The following TMEM178B variants were observed in gnomAD, a reference collection of about 807,000 sequenced individuals.
The protein encoded by TMEM178B is transmembrane protein 178B.
A neutral mutation model predicts 31.0 loss-of-function variants in TMEM178B; 5 were observed. That is an observed-to-expected ratio of 0.16 (90% confidence interval 0.08 to 0.34). The LOEUF (loss-of-function observed/expected upper bound fraction) is 0.34, where lower values mean the gene tolerates loss of function less well. Ranked by LOEUF, TMEM178B falls within the 10% of genes least tolerant of loss-of-function variation. The pLI, the probability that TMEM178B is intolerant of heterozygous loss-of-function variation, is 1.00. For synonymous variants in TMEM178B, 164 were observed against 164.0 expected (o/e 1.00, Z 0.00); for missense variants, 275 against 400.3 (o/e 0.69, Z 2.67).
chr7:141,280,488 C>T (rs1307295099), intron 2 of TMEM178B, among the ~76,000 whole-genome samples: 6 of 152,156 alleles, frequency 3.9e-5, no homozygotes, highest in African/African-American at 1.4e-4. Context: ...CCTTGGTTCT[C>T]ATTCTATCTT....
rs147486756 is a variant in TMEM178B, at chr7:141,417,820, A to G, written c.497-19788A>G. ...GCCAGCCTCTAAGTAATATGCAAGTATAATTCTCATAACAATCTTGTGAGA... is the reference window on the plus strand; with the variant it reads ...GCCAGCCTCTAAGTAATATGCAAGTGTAATTCTCATAACAATCTTGTGAGA... On this transcript the variant is annotated intron_variant, in intron 2 of 3. Coordinates refer to ENST00000565468, the MANE Select transcript of TMEM178B (RefSeq NM_001195278.2). 2.5e-3 allele frequency among the ~76,000 whole-genome samples: 376 copies of G among 152,334 alleles called. 5 individuals are homozygous for G. The highest frequency in any genetic ancestry group is 8.6e-3 in the African/African-American group (356 of 41,568).
intron 1 of TMEM178B, among the ~76,000 whole-genome samples, chr7:141,107,301 A>C (rs1337431244): frequency 6.6e-6 from 1 of 152,196 alleles, no homozygotes; most frequent in Non-Finnish European, 1.5e-5. Context: ...CATTTTGAGC[A>C]GACCAGTGAT....
chr7:141,508,777 C>T, the TMEM178B span, among the ~76,000 whole-genome samples: 1 of 152,214 alleles, frequency 6.6e-6, no homozygotes, highest in Non-Finnish European at 1.5e-5. Flanking sequence ...ACAGGAAAGA[C>T]TGGCCCCATG....
intron 1 of TMEM178B, among the ~76,000 whole-genome samples, chr7:141,147,614 C>A (rs1012143440): frequency 1.3e-5 from 2 of 152,046 alleles, no homozygotes; most frequent in Non-Finnish European, 2.9e-5. Context: ...ATCTAAAGAG[C>A]AGGACTTGGA....
rs561712790 is a variant in TMEM178B at position 141,479,341 on chromosome 7, A to G, written c.*8555A>G. 2 of 152,340 alleles carry G rather than the reference A, an allele frequency of 1.3e-5. No individual in the cohort carries two copies. Among genetic ancestry groups the G allele is most frequent in the South Asian group, 2.1e-4 (1 of 4,828 alleles). 9.4% of individuals were successfully genotyped at this position (152,340 alleles called of 1,614,324 possible). On this transcript the variant is annotated 3_prime_UTR_variant, in exon 4 of 4. Transcript: ENST00000565468. Reference sequence around the variant, plus strand: ...AATATTTATCTTAAAGTCAAATGCTATAAAGGAGATACCCTGGGAAGGGCA... The same window carrying G: ...AATATTTATCTTAAAGTCAAATGCTGTAAAGGAGATACCCTGGGAAGGGCA...
Position 141,361,495 on chromosome 7 carries a change from A to G in TMEM178B, c.497-76113A>G, listed in dbSNP as rs144251805. Among the ~76,000 whole-genome samples, 289 of 152,344 alleles carry G rather than the reference A, an allele frequency of 1.9e-3. 1 individual carries two copies. The highest frequency in any genetic ancestry group is 6.4e-3 in the African/African-American group (266 of 41,586). On this transcript the variant is annotated intron_variant, in intron 2 of 3. Transcript: ENST00000565468. Reference sequence around the variant, plus strand: ...TGTACACACTTTACATGTTTAAAAGATTAGTTGCCAACATTTAAAAATCAG... The same window carrying G: ...TGTACACACTTTACATGTTTAAAAGGTTAGTTGCCAACATTTAAAAATCAG...
intron 2 of TMEM178B, among the ~76,000 whole-genome samples, chr7:141,295,095 A>C (rs939489259): frequency 6.6e-6 from 1 of 152,220 alleles, no homozygotes; most frequent in African/African-American, 2.4e-5. Flanking sequence ...GGGGTCTCCC[A>C]TGGCCAGAGC....
chr7:141,109,658 T>C (rs371651634), intron 1 of TMEM178B, among the ~76,000 whole-genome samples: 1 of 152,180 alleles, frequency 6.6e-6, no homozygotes, highest in African/African-American at 2.4e-5. Context: ...TGGCAGATTG[T>C]AGGAGCTTGA....
intron 2 of TMEM178B, among the ~76,000 whole-genome samples, chr7:141,268,126 T>C (rs564239834): frequency 2.6e-5 from 4 of 152,356 alleles, no homozygotes; most frequent in Admixed American, 2.6e-4. Context: ...TTTGTTTTTT[T>C]TGCACCAAAA....
At chr7:141,143,548 G>A (rs1228035544) in intron 1 of TMEM178B, among the ~76,000 whole-genome samples, 2 of 152,048 alleles carry the variant, frequency 1.3e-5, no homozygotes, top group Admixed American at 6.6e-5. Flanking sequence ...TCTATTTCTG[G>A]TTTCTCTATT....
chr7:141,218,437 T>C (rs1797196788), intron 2 of TMEM178B, among the ~76,000 whole-genome samples: 1 of 152,156 alleles, frequency 6.6e-6, no homozygotes, highest in Non-Finnish European at 1.5e-5. Context: ...AATCCAGAAC[T>C]GTCTCACTTA....
intron 2 of TMEM178B, among the ~76,000 whole-genome samples, chr7:141,399,313 C>G (rs931300982): frequency 6.6e-6 from 1 of 152,198 alleles, no homozygotes; most frequent in Non-Finnish European, 1.5e-5. Flanking sequence ...CTGTCCCTGA[C>G]TTGGGTAACA....
intron 2 of TMEM178B, chr7:141,416,291 T>C (rs186871868): frequency 1.4e-3 from 217 of 152,800 alleles, no homozygotes; most frequent in African/African-American, 5.2e-3. Flanking sequence ...ATCCAAATCC[T>C]ACAAGCACGG....
chr7:141,316,564 G>GTGTT lies in TMEM178B; in HGVS notation c.496+103863_496+103864insTTGT, dbSNP rs1799009019. 2.0e-5 allele frequency among the ~76,000 whole-genome samples: 3 copies of GTGTT among 151,956 alleles called. No individual in the cohort carries two copies. The South Asian group carries it at 6.2e-4, about 32-fold the overall frequency. On this transcript the variant is annotated intron_variant, in intron 2 of 3. Coordinates refer to ENST00000565468, the MANE Select transcript of TMEM178B (RefSeq NM_001195278.2). ...TGCCTCTGGACTGCTGTGTGTGTGTGTGTGTCATCCACACACTTACACACA... is the reference window on the plus strand; with the variant it reads ...TGCCTCTGGACTGCTGTGTGTGTGTGTGTTTGTGTCATCCACACACTTACACACA...
intron 2 of TMEM178B, among the ~76,000 whole-genome samples, chr7:141,255,718 C>T (rs183271928): frequency 6.6e-6 from 1 of 152,060 alleles, no homozygotes; most frequent in East Asian, 1.9e-4. Flanking sequence ...GATATTGTCC[C>T]CGACCCCTGC....
chr7:141,184,060 TGGGG>T (rs1240730666), intron 1 of TMEM178B, among the ~76,000 whole-genome samples: 1 of 152,182 alleles, frequency 6.6e-6, no homozygotes, highest in African/African-American at 2.4e-5. Context: ...TGAGTTTTCT[TGGGG>T]GATTCCTCTC....
chr7:141,156,834 A>G (rs144450911), intron 1 of TMEM178B, among the ~76,000 whole-genome samples: 170 of 152,272 alleles, frequency 1.1e-3, no homozygotes, highest in East Asian at 6.6e-3. Context: ...CCAATTTCTA[A>G]CTGGTTGTAA....
chr7:141,308,720 C>T (rs923195854), intron 2 of TMEM178B, among the ~76,000 whole-genome samples: 2 of 152,288 alleles, frequency 1.3e-5, no homozygotes, highest in African/African-American at 2.4e-5. Flanking sequence ...ACCATGCATC[C>T]GGCCCAACCT....
intron 1 of TMEM178B, among the ~76,000 whole-genome samples, chr7:141,125,753 C>T (rs113487512): frequency 0.045 from 6,853 of 151,720 alleles, 514 homozygotes; most frequent in African/African-American, 0.15. Context: ...TGAAACCTAC[C>T]GGAAAATGAA....
Sources: allele counts gnomAD v4.1 joint callset (sites outside exome capture counted in the v4.1 genomes callset), GRCh38; gene constraint gnomAD v4.1.1; transcripts MANE v1.5; gene names NCBI Gene and HGNC (gene_info 2026-07-23, HGNC 2026-07-21).